Variants in ESRRG observed in about 807,000 individuals in gnomAD.
ESRRG encodes the protein estrogen-related receptor gamma.
A neutral mutation model predicts 44.0 loss-of-function variants in ESRRG; 13 were observed. That is an observed-to-expected ratio of 0.30 (90% confidence interval 0.19 to 0.47). ESRRG has a LOEUF of 0.47. Ranked by LOEUF, ESRRG falls within the 20% of genes least tolerant of loss-of-function variation. The pLI, the probability that ESRRG is intolerant of heterozygous loss-of-function variation, is 1.00. For missense variants in ESRRG, 395 were observed against 580.6 expected, an observed-to-expected ratio of 0.68 and a Z score of 3.29; for synonymous variants, 215 against 214.6, an observed-to-expected ratio of 1.00 and a Z score of -0.02.
intron 5 of ESRRG, among the ~76,000 whole-genome samples, chr1:216,563,829 T>A (rs1044320661): frequency 4.6e-5 from 7 of 152,170 alleles, no homozygotes; most frequent in Admixed American, 3.9e-4. Flanking sequence ...AAACTAGTGA[T>A]TCTTAGTTGG....
chr1:216,865,280 C>T (rs1411700548), intron 2 of ESRRG: 1 of 149,308 alleles, frequency 6.7e-6, no homozygotes, highest in East Asian at 2.0e-4. Context: ...TTTTGTAGCA[C>T]CTCAGAACTT....
At chr1:217,129,218 G>T (rs933296901) in intron 1 of ESRRG, among the ~76,000 whole-genome samples, 7 of 152,124 alleles carry the variant, frequency 4.6e-5, no homozygotes, top group African/African-American at 1.2e-4. Context: ...TATACAAATG[G>T]TCAATAAGCA....
At chr1:217,010,928 C>G (rs2078487720) in intron 1 of ESRRG, among the ~76,000 whole-genome samples, 2 of 152,158 alleles carry the variant, frequency 1.3e-5, no homozygotes, top group Non-Finnish European at 2.9e-5. Flanking sequence ...TCCCTTGAGA[C>G]AGATTAGATC....
At chr1:216,595,863 T>C (rs2058353286) in intron 3 of ESRRG, among the ~76,000 whole-genome samples, 1 of 152,204 alleles carries the variant, frequency 6.6e-6, no homozygotes, top group South Asian at 2.1e-4. Flanking sequence ...GTAGAAAAAC[T>C]ATAGGACTTT....
intron 5 of ESRRG, among the ~76,000 whole-genome samples, chr1:216,528,424 G>T (rs1198607655): frequency 6.6e-6 from 1 of 152,126 alleles, no homozygotes; most frequent in Non-Finnish European, 1.5e-5. Flanking sequence ...CAGACTTCAT[G>T]ATAATGTCAC....
chr1:217,064,268 A>G (rs1174294963), intron 1 of ESRRG, among the ~76,000 whole-genome samples: 1 of 152,086 alleles, frequency 6.6e-6, no homozygotes, highest in Non-Finnish European at 1.5e-5. Context: ...ATATGTATGT[A>G]TATATGTATG....
At chr1:216,798,329 A>G (rs1208239890) in intron 2 of ESRRG, among the ~76,000 whole-genome samples, 2 of 152,062 alleles carry the variant, frequency 1.3e-5, no homozygotes, top group African/African-American at 4.8e-5. Context: ...GAGGAGGTGA[A>G]CTTTAAGATC....
chr1:216,670,051 T>C (rs553165756), intron 2 of ESRRG, among the ~76,000 whole-genome samples: 4 of 152,328 alleles, frequency 2.6e-5, no homozygotes, highest in East Asian at 1.9e-4. Context: ...TTTTATAACA[T>C]ATTAGAGTTT....
At chr1:217,060,172 T>G (rs962026271) in intron 1 of ESRRG, among the ~76,000 whole-genome samples, 2 of 102,278 alleles carry the variant, frequency 2.0e-5, no homozygotes, top group African/African-American at 6.3e-5. Flanking sequence ...TACAATATAC[T>G]AGCCATGCAT....
At chr1:216,515,812 T>C (rs2044090013) in intron 6 of ESRRG, among the ~76,000 whole-genome samples, 2 of 152,118 alleles carry the variant, frequency 1.3e-5, no homozygotes, top group African/African-American at 4.8e-5. Context: ...CAGACTAAAG[T>C]GATTCATTAG....
intron 6 of ESRRG, among the ~76,000 whole-genome samples, chr1:216,517,878 A>G (rs2044826344): frequency 6.6e-6 from 1 of 152,184 alleles, no homozygotes; most frequent in South Asian, 2.1e-4. Flanking sequence ...ATTCACAATT[A>G]AAACTGTGAA....
intron 2 of ESRRG, among the ~76,000 whole-genome samples, chr1:216,664,118 T>C (rs1953520): frequency 0.72 from 109,178 of 152,044 alleles, 40,953 homozygotes; most frequent in Non-Finnish European, 0.82. Flanking sequence ...ATAACTTAAA[T>C]GATTTTGCCC....
chr1:216,539,450 T>TC (rs1005594094), intron 5 of ESRRG, among the ~76,000 whole-genome samples: 2 of 151,912 alleles, frequency 1.3e-5, no homozygotes, highest in Non-Finnish European at 2.9e-5. Flanking sequence ...CAGTTCCCCT[T>TC]CCCCCCTACC....
chr1:217,008,716 G>T (rs1036955954), intron 1 of ESRRG, among the ~76,000 whole-genome samples: 1 of 152,168 alleles, frequency 6.6e-6, no homozygotes, highest in Non-Finnish European at 1.5e-5. Context: ...ATTAATCAGG[G>T]ACAGTGGCTC....
chr1:216,724,192 C>A (rs1458647582), upstream of ESRRG, among the ~76,000 whole-genome samples: 2 of 152,070 alleles, frequency 1.3e-5, no homozygotes, highest in African/African-American at 4.8e-5. Context: ...CCTTTCTATA[C>A]CTGCGACTGT....
At chr1:217,135,298 C>T (rs1170344651) in intron 1 of ESRRG, among the ~76,000 whole-genome samples, 1 of 152,144 alleles carries the variant, frequency 6.6e-6, no homozygotes, top group Non-Finnish European at 1.5e-5. Context: ...AACACACACG[C>T]CCACCCCGCC....
At chr1:216,530,489 G>C (rs1250835398) in intron 5 of ESRRG, among the ~76,000 whole-genome samples, 1 of 152,044 alleles carries the variant, frequency 6.6e-6, no homozygotes, top group Non-Finnish European at 1.5e-5. Context: ...AGAGTTGCTG[G>C]CTTTAAGGCT....
At chr1:216,587,442 A>G (rs930604046) in intron 3 of ESRRG, among the ~76,000 whole-genome samples, 1 of 152,226 alleles carries the variant, frequency 6.6e-6, no homozygotes, top group Non-Finnish European at 1.5e-5. Flanking sequence ...TCATTCTAAT[A>G]GTTAAAGTAG....
chr1:216,786,611 C>T (rs540362405), intron 2 of ESRRG, among the ~76,000 whole-genome samples: 92 of 152,122 alleles, frequency 6.0e-4, no homozygotes, highest in African/African-American at 2.1e-3. Flanking sequence ...AGTCCAAAAA[C>T]ATAATTTTAG....
Sources: allele counts gnomAD v4.1 joint callset (sites outside exome capture counted in the v4.1 genomes callset), GRCh38; gene constraint gnomAD v4.1.1; transcripts MANE v1.5; gene names NCBI Gene and HGNC (gene_info 2026-07-23, HGNC 2026-07-21).